Variants in CHST12 observed in about 807,000 individuals in gnomAD.
CHST12 encodes carbohydrate sulfotransferase 12.
A neutral mutation model predicts 27.9 loss-of-function variants in CHST12; 23 were observed. The ratio of observed to expected loss-of-function variants is 0.82; its 90% CI spans 0.59 to 1.17. The LOEUF is 1.17. CHST12 is among the 50% of genes most tolerant of loss of function. The probability of loss-of-function intolerance (pLI) is 0.00; values close to 1 mark genes in which losing one functional copy is unlikely to be tolerated. For missense variants in CHST12, 682 were observed against 603.0 expected, an observed-to-expected ratio of 1.13 and a Z score of -1.37; for synonymous variants, 322 against 273.0, an observed-to-expected ratio of 1.18 and a Z score of -1.77.
intron 1 of CHST12, among the ~76,000 whole-genome samples, chr7:2,410,580 G>C (rs575837242): frequency 6.6e-6 from 1 of 152,276 alleles, no homozygotes; most frequent in South Asian, 2.1e-4. Context: ...TATGGGGAGT[G>C]CAGGGTAGAG....
chr7:2,426,894 G>A (rs1782136598), intron 1 of CHST12, among the ~76,000 whole-genome samples: 1 of 152,236 alleles, frequency 6.6e-6, no homozygotes, highest in Admixed American at 6.5e-5. Context: ...GGGAGGCTGA[G>A]GCATGAGAAT....
chr7:2,431,349 A>G (rs1313333281), intron 1 of CHST12, among the ~76,000 whole-genome samples: 3 of 152,138 alleles, frequency 2.0e-5, no homozygotes, highest in Non-Finnish European at 4.4e-5. Flanking sequence ...AATGTTTTCC[A>G]TTCCCGGGAG....
intron 1 of CHST12, among the ~76,000 whole-genome samples, chr7:2,413,356 CACAA>C (rs1218212805): frequency 1.3e-5 from 2 of 152,188 alleles, no homozygotes; most frequent in African/African-American, 2.4e-5. Flanking sequence ...TTCATAAAAC[CACAA>C]ACATTTTCTT....
At chr7:2,423,333 A>G (rs1051605570) in intron 1 of CHST12, among the ~76,000 whole-genome samples, 2 of 152,164 alleles carry the variant, frequency 1.3e-5, no homozygotes, top group African/African-American at 4.8e-5. Flanking sequence ...AACCGTTCAG[A>G]GGGTATTGAA....
intron 1 of CHST12, among the ~76,000 whole-genome samples, chr7:2,407,553 T>G (rs867763250): frequency 1.3e-5 from 2 of 152,196 alleles, no homozygotes; most frequent in African/African-American, 2.4e-5. Context: ...CTTTCTGGGT[T>G]AAAGAGGCTC....
intron 1 of CHST12, among the ~76,000 whole-genome samples, chr7:2,416,567 C>T (rs148242109): frequency 6.6e-6 from 1 of 152,312 alleles, no homozygotes; most frequent in East Asian, 1.9e-4. Context: ...GATCCATGGG[C>T]TGCAGAATGG....
rs553499652 is a variant in CHST12, at chr7:2,432,973, C to T, written c.334C>T (p.Arg112Trp). The T allele has an allele frequency of 1.2e-5, 19 of 1,608,788 alleles. No individual in the cohort carries two copies. In the African/African-American group the frequency reaches 1.3e-4, roughly 11 times the overall value. ...CTACGACTGGTCCCCGCGCGACGCC[C>T]GGCGCAGCCCAGACCAGGGCCGGCA... ...RGYDWSPRDA[R>W]RSPDQGRQQA... The change falls in exon 2 of 2, where the codon CGG becomes TGG. Residue 112 changes from arginine (R) to tryptophan (W), a missense_variant. Transcript: ENST00000618655.
chr7:2,433,274 C>T lies in CHST12; in HGVS notation c.635C>T (p.Ala212Val), dbSNP rs138409451. ...IPREHVHNAS[A>V]HLTFNKFWRR... ...CGCGAGCACGTGCACAACGCCAGCG[C>T]GCACCTGACCTTCAACAAGTTCTGG... Residue 212 changes from alanine (A) to valine (V), a missense_variant, in exon 2 of 2, where the codon GCG (alanine) becomes GTG (valine). Ala to Val is a moderately conservative substitution (Grantham distance 64). Coordinates refer to ENST00000618655, the MANE Select transcript of CHST12 (RefSeq NM_018641.5). The surrounding 1 kb of genome is among the most constrained non-coding windows in gnomAD (Gnocchi z 6.1). The T allele has an allele frequency of 6.8e-5, 109 of 1,611,744 alleles. No individual in the cohort carries two copies. The highest frequency in any genetic ancestry group is 2.7e-4 in the East Asian group (12 of 44,826).
Position 2,432,815 on chromosome 7 carries a change from A to T in CHST12, c.176A>T (p.Glu59Val). 6.2e-7 allele frequency: 1 copy of T among 1,613,762 alleles called. No homozygotes were observed. The highest frequency in any genetic ancestry group is 8.5e-7 in the Non-Finnish European group (1 of 1,179,846). ...LPTPGPDRDR[E>V]LTADSDVDEF... is the part of the protein sequence containing the mutation. ...ACGCCCGGGCCGGACAGGGACAGGG[A>T]GCTCACGGCCGACTCCGATGTCGAC... Residue 59 changes from glutamate (E) to valine (V), a missense_variant, in exon 2 of 2, where the codon GAG becomes GTG. Physicochemically the swap from Glu to Val is moderately radical, Grantham distance 121. Coordinates refer to ENST00000618655, the MANE Select transcript of CHST12 (RefSeq NM_018641.5).
intron 1 of CHST12, among the ~76,000 whole-genome samples, chr7:2,428,978 C>G (rs999899173): frequency 2.0e-4 from 31 of 152,210 alleles, no homozygotes; most frequent in Non-Finnish European, 4.3e-4. Context: ...AGGCGCCCCC[C>G]ATGCGTCCGT....
chr7:2,434,165 G>A lies in CHST12; in HGVS notation c.*281G>A. 1 of 267,308 alleles carries A rather than the reference G, an allele frequency of 3.7e-6. No individual in the cohort carries two copies. The highest frequency in any genetic ancestry group is 8.0e-5 in the East Asian group (1 of 12,430). 16.6% of individuals were successfully genotyped at this position (267,308 alleles called of 1,614,324 possible). On this transcript the variant is annotated 3_prime_UTR_variant, in exon 2 of 2. Coordinates refer to ENST00000618655, the MANE Select transcript of CHST12 (RefSeq NM_018641.5). ...GCTCCTGTGGTTTTTCTGAGCGTGCGGGCGCCGGGAGGGGATGCTGAGGCT... is the reference window on the plus strand; with the variant it reads ...GCTCCTGTGGTTTTTCTGAGCGTGCAGGCGCCGGGAGGGGATGCTGAGGCT...
Position 2,403,631 on chromosome 7 carries a change from G to T in CHST12, c.-120G>T. On this transcript the variant is annotated 5_prime_UTR_variant, in exon 1 of 2. Coordinates refer to ENST00000618655, the MANE Select transcript of CHST12 (RefSeq NM_018641.5). The stretch of plus-strand genomic sequence containing the variant: ...CCGCTAGTCGCGGGGCGGCGGCGGC[G>T]GCTGCGGGCGCGAGGTGAGGGGCGC... 6.5e-6 allele frequency: 1 copy of T among 153,282 alleles called. No individual in the cohort carries two copies. Among genetic ancestry groups the T allele is most frequent in the Non-Finnish European group, 1.4e-5 (1 of 69,194 alleles). The allele number at this position is 153,282 out of a possible 1,614,324, so 9.5% of individuals were successfully genotyped here.
intron 1 of CHST12, among the ~76,000 whole-genome samples, chr7:2,425,203 CA>C (rs144902925): frequency 2.1e-3 from 149 of 72,002 alleles, no homozygotes; most frequent in Middle Eastern, 7.5e-3. Flanking sequence ...GACTCCGTCT[CA>C]AAAAAAAAAA....
intron 1 of CHST12, among the ~76,000 whole-genome samples, chr7:2,412,595 A>G (rs1299252852): frequency 6.6e-6 from 1 of 152,226 alleles, no homozygotes; most frequent in Non-Finnish European, 1.5e-5. Context: ...CCTCAGCAGT[A>G]AAGGAAATAG....
chr7:2,414,009 A>C (rs935533118), intron 1 of CHST12, among the ~76,000 whole-genome samples: 2 of 151,820 alleles, frequency 1.3e-5, no homozygotes, highest in African/African-American at 4.8e-5. Context: ...GATTACGGGC[A>C]TGAGCCACCA....
rs1336242421 is a variant in CHST12 at position 2,435,619 on chromosome 7, AC to A, written c.*1737del. 6.6e-6 allele frequency: 1 copy of A among 152,094 alleles called. No homozygotes were observed. The highest frequency in any genetic ancestry group is 2.4e-5 in the African/African-American group (1 of 41,384). The allele number at this position is 152,094 out of a possible 1,614,324, so 9.4% of individuals were successfully genotyped here. A position where few individuals can be genotyped will look rare whatever the true frequency, so the allele number is the denominator to read the frequency against. On this transcript the variant is annotated 3_prime_UTR_variant, in exon 2 of 2. Transcript: ENST00000618655. ...GTCTTCCTCGTGTGTGGTATTTGTC[AC>A]CACTGCCCAGTCCCTGGTTGCTGGC...
chr7:2,444,188 G>T lies in CHST12; in HGVS notation c.*10304G>T, dbSNP rs1441882073. 1.3e-5 allele frequency: 2 copies of T among 149,008 alleles called. No homozygotes were observed. The highest frequency in any genetic ancestry group is 2.5e-5 in the African/African-American group (1 of 40,472). The allele number at this position is 149,008 out of a possible 1,614,324, so 9.2% of individuals were successfully genotyped here. A position where few individuals can be genotyped will look rare whatever the true frequency, so the allele number is the denominator to read the frequency against. Reference sequence around the variant, plus strand: ...AGTCCCAGCTACTTGGGAGGCTGAGGCAGGAGAATGGCGTGAACCCGGGAG... The same window carrying T: ...AGTCCCAGCTACTTGGGAGGCTGAGTCAGGAGAATGGCGTGAACCCGGGAG... On this transcript the variant is annotated 3_prime_UTR_variant, in exon 2 of 2. Coordinates refer to ENST00000618655, the MANE Select transcript of CHST12 (RefSeq NM_018641.5).
chr7:2,442,524 T>G lies in CHST12; in HGVS notation c.*8640T>G, dbSNP rs61393829. 1 of 151,640 alleles carries G rather than the reference T, an allele frequency of 6.6e-6. No individual in the cohort carries two copies. The allele number at this position is 151,640 out of a possible 1,614,324, so 9.4% of individuals were successfully genotyped here. On this transcript the variant is annotated 3_prime_UTR_variant, in exon 2 of 2. Coordinates refer to ENST00000618655, the MANE Select transcript of CHST12 (RefSeq NM_018641.5). ...GACTACAGGTGCCCACCACCACGCC[T>G]GGCTAATTTTTTGTATTTTTAGTAG...
At chr7:2,423,695 T>G (rs969784357) in intron 1 of CHST12, among the ~76,000 whole-genome samples, 12 of 152,212 alleles carry the variant, frequency 7.9e-5, no homozygotes, top group Non-Finnish European at 4.4e-5. Flanking sequence ...TCCTTTTTTC[T>G]GAGAATCATC....
Sources: gnomAD v4.1 joint callset for allele counts (sites outside exome capture counted in the v4.1 genomes callset) on GRCh38, gnomAD v4.1.1 for gene constraint, Gnocchi (gnomAD v3.1) non-coding constraint, MANE v1.5 for transcripts, NCBI Gene and HGNC (gene_info 2026-07-23, HGNC 2026-07-21) for gene names.